EVA1C: variants seen among roughly 807,000 people sequenced by gnomAD.
EVA1C encodes eva-1 homolog C, also known as protein eva-1 homolog C.
Under a neutral mutation model 45.4 loss-of-function variants are expected in EVA1C, and 25 were observed. The observed-to-expected ratio is 0.55, with a 90% confidence interval of 0.40 to 0.77. The LOEUF (loss-of-function observed/expected upper bound fraction) is 0.77. EVA1C is among the 30% of genes least tolerant of loss of function. The pLI, the probability that EVA1C is intolerant of heterozygous loss-of-function variation, is 0.00. For synonymous variants in EVA1C, 190 were observed against 221.2 expected (o/e 0.86, Z 1.25); for missense variants, 479 against 554.8 (o/e 0.86, Z 1.37).
At chr21:32,423,652 A>C (rs1298888631) in intron 1 of EVA1C, among the ~76,000 whole-genome samples, 1 of 151,892 alleles carries the variant, frequency 6.6e-6, no homozygotes, top group African/African-American at 2.4e-5. Flanking sequence ...TGAATTTCTC[A>C]TCCTTATGTT....
intron 1 of EVA1C, among the ~76,000 whole-genome samples, chr21:32,421,914 G>A (rs571256551): frequency 6.6e-5 from 10 of 151,936 alleles, no homozygotes; most frequent in South Asian, 4.2e-4. Flanking sequence ...GTGTGGTGGC[G>A]GGTGCCTGTA....
chr21:32,465,688 A>G (rs756251730), intron 3 of EVA1C, among the ~76,000 whole-genome samples: 1 of 152,020 alleles, frequency 6.6e-6, no homozygotes, highest in African/African-American at 2.4e-5. Context: ...AGTAGAGATG[A>G]GGTTTCACCA....
At position 32,488,171 on chromosome 21, in the gene EVA1C, G is replaced by A. The variant is rs1243061584; in HGVS notation, c.635-6856G>A. 5.3e-5 allele frequency among the ~76,000 whole-genome samples: 8 copies of A among 152,154 alleles called. No homozygotes were observed. The East Asian group carries it at 1.5e-3, about 29-fold the overall frequency. Reference sequence around the variant, plus strand: ...TGCAAGGAACTTATACAACTCAACTGTAAAAAGCAAATAACTCAGTTAAAA... The same window carrying A: ...TGCAAGGAACTTATACAACTCAACTATAAAAAGCAAATAACTCAGTTAAAA... On this transcript the variant is annotated intron_variant, in intron 4 of 7. Transcript: ENST00000300255.
At chr21:32,420,436 AT>A (rs2034224330) in intron 1 of EVA1C, among the ~76,000 whole-genome samples, 2 of 152,216 alleles carry the variant, frequency 1.3e-5, no homozygotes, top group Non-Finnish European at 2.9e-5. Context: ...CCAGGCTGGA[AT>A]ACAGTGGTGC....
intron 4 of EVA1C, among the ~76,000 whole-genome samples, chr21:32,488,587 CT>C (rs1555872653): frequency 4.9e-4 from 72 of 148,016 alleles, no homozygotes; most frequent in South Asian, 1.7e-3. Context: ...AGCTGTTGGC[CT>C]TTTTTTTTTT....
At chr21:32,454,818 A>G (rs1019278529) in intron 2 of EVA1C, among the ~76,000 whole-genome samples, 5 of 152,080 alleles carry the variant, frequency 3.3e-5, no homozygotes, top group Non-Finnish European at 5.9e-5. Flanking sequence ...ATGATGTAAG[A>G]ATTTTTCTAT....
At chr21:32,429,965 A>G (rs2034634808) in intron 1 of EVA1C, among the ~76,000 whole-genome samples, 1 of 152,142 alleles carries the variant, frequency 6.6e-6, no homozygotes, top group African/African-American at 2.4e-5. Flanking sequence ...CACTAACAGC[A>G]TATCTCCATT....
intron 1 of EVA1C, among the ~76,000 whole-genome samples, chr21:32,425,542 C>G (rs1309744615): frequency 6.6e-6 from 1 of 152,012 alleles, no homozygotes; most frequent in Non-Finnish European, 1.5e-5. Flanking sequence ...GGCTTTGAGG[C>G]AAAAGGTCTT....
At chr21:32,433,346 C>T (rs2034787837) in intron 1 of EVA1C, 1 of 152,292 alleles carries the variant, frequency 6.6e-6, no homozygotes, top group East Asian at 1.9e-4. Flanking sequence ...TTTCTGTTCA[C>T]CTGGGATCTC....
intron 7 of EVA1C, among the ~76,000 whole-genome samples, chr21:32,506,876 C>T (rs937745198): frequency 1.8e-4 from 27 of 152,272 alleles, no homozygotes; most frequent in Non-Finnish European, 3.2e-4. Flanking sequence ...ATGTGACCCA[C>T]GGGATGAGCT....
chr21:32,474,693 G>A lies in EVA1C; in HGVS notation c.634+6845G>A, dbSNP rs536890125. Reference sequence around the variant, plus strand: ...GAGTGGGTGCTCACGTGAATCTTGAGGCACAGGAATGAATCAGAGCCCCTC... The same window carrying A: ...GAGTGGGTGCTCACGTGAATCTTGAAGCACAGGAATGAATCAGAGCCCCTC... On this transcript the variant is annotated intron_variant, in intron 4 of 7. Transcript: ENST00000300255. The surrounding 1 kb of genome is among the most constrained non-coding windows in gnomAD (Gnocchi z 4.4). 6.6e-6 allele frequency among the ~76,000 whole-genome samples: 1 copy of A among 152,330 alleles called. No homozygotes were observed. The highest frequency in any genetic ancestry group is 1.9e-4 in the East Asian group (1 of 5,182).
At chr21:32,449,180 A>G (rs934798450) in intron 1 of EVA1C, among the ~76,000 whole-genome samples, 4 of 152,226 alleles carry the variant, frequency 2.6e-5, no homozygotes, top group Non-Finnish European at 5.9e-5. Flanking sequence ...CCTGAGTGCG[A>G]TATTTGTCAT....
Position 32,484,412 on chromosome 21 carries a change from C to T in EVA1C, c.635-10615C>T, listed in dbSNP as rs371442386. On this transcript the variant is annotated intron_variant, in intron 4 of 7. Transcript: ENST00000300255. ...TACAAAAATTAGCCAGGCGCAGTGG[C>T]GTGTGCCTGTAATCCCAGCTACTTG... 8.4e-4 allele frequency among the ~76,000 whole-genome samples: 128 copies of T among 152,148 alleles called. 1 individual carries two copies. In the South Asian group the frequency reaches 0.025, roughly 30 times the overall value.
chr21:32,435,859 A>G (rs1444544715), intron 1 of EVA1C, among the ~76,000 whole-genome samples: 1 of 152,210 alleles, frequency 6.6e-6, no homozygotes, highest in Non-Finnish European at 1.5e-5. Flanking sequence ...AGTAAAGAAA[A>G]ATTCACATTT....
chr21:32,434,879 T>C (rs1378536867), intron 1 of EVA1C, among the ~76,000 whole-genome samples: 2 of 152,294 alleles, frequency 1.3e-5, no homozygotes, highest in African/African-American at 2.4e-5. Context: ...CAGCTTGTGG[T>C]ACCTTGTTAT....
At position 32,457,587 on chromosome 21, in the gene EVA1C, C is replaced by T. The variant is rs541337190; in HGVS notation, c.358-10C>T. 4.3e-6 allele frequency: 7 copies of T among 1,614,152 alleles called. No homozygotes were observed. The Admixed American group carries it at 8.3e-5, about 19-fold the overall frequency. Reference sequence around the variant, plus strand: ...TTCAAGCCTGTCCCTTTTCTACCCTCTCCTTCTAGAAGGTGCTGGACGAAT... The same window carrying T: ...TTCAAGCCTGTCCCTTTTCTACCCTTTCCTTCTAGAAGGTGCTGGACGAAT... On this transcript the variant is annotated splice_polypyrimidine_tract_variant and intron_variant, in intron 2 of 7. Transcript: ENST00000300255.
rs1378071199 is a variant in EVA1C, at chr21:32,474,277, A to G, written c.634+6429A>G. ...CCGCTTAAAGCCCTCCACTCTGCAC[A>G]CTGTAATTGGAATACATCAGTCTTC... On this transcript the variant is annotated intron_variant, in intron 4 of 7. Transcript: ENST00000300255. The surrounding 1 kb of genome is among the most constrained non-coding windows in gnomAD (Gnocchi z 4.4). Among the ~76,000 whole-genome samples, 1 of 152,188 alleles carries G rather than the reference A, an allele frequency of 6.6e-6. No individual in the cohort carries two copies. Among genetic ancestry groups the G allele is most frequent in the Non-Finnish European group, 1.5e-5 (1 of 68,028 alleles).
At chr21:32,419,053 T>A (rs2034160431) in intron 1 of EVA1C, among the ~76,000 whole-genome samples, 1 of 152,254 alleles carries the variant, frequency 6.6e-6, no homozygotes, top group Non-Finnish European at 1.5e-5. Flanking sequence ...TAAGTGTGCA[T>A]ATATTGGAGA....
intron 5 of EVA1C, among the ~76,000 whole-genome samples, chr21:32,500,145 G>C (rs967394830): frequency 2.5e-4 from 37 of 147,434 alleles, no homozygotes; most frequent in Non-Finnish European, 1.0e-4. Context: ...CAGTCATTTT[G>C]CTTTACTAAG....
Sources: allele counts gnomAD v4.1 joint callset (sites outside exome capture counted in the v4.1 genomes callset), GRCh38; gene constraint gnomAD v4.1.1; non-coding constraint Gnocchi (gnomAD v3.1); transcripts MANE v1.5; gene names NCBI Gene and HGNC (gene_info 2026-07-23, HGNC 2026-07-21).